Variants in MOB3B observed in about 807,000 individuals in gnomAD.
The protein encoded by MOB3B is MOB kinase activator-like 2B.
A neutral mutation model predicts 18.7 loss-of-function variants in MOB3B; 7 were observed. That is an observed-to-expected ratio of 0.37 (90% CI 0.21 to 0.70). The LOEUF (loss-of-function observed/expected upper bound fraction) is 0.70, where lower values mean the gene tolerates loss of function less well. MOB3B is among the 30% of genes least tolerant of loss of function. MOB3B has a pLI of 0.52. For missense variants in MOB3B, 253 were observed against 281.3 expected, an observed-to-expected ratio of 0.90 and a Z score of 0.72; for synonymous variants, 111 against 99.9, an observed-to-expected ratio of 1.11 and a Z score of -0.66.
intron 2 of MOB3B, among the ~76,000 whole-genome samples, chr9:27,430,862 G>A (rs1008751823): frequency 6.8e-6 from 1 of 146,930 alleles, no homozygotes; most frequent in Non-Finnish European, 1.5e-5. Flanking sequence ...AAACCCTCCC[G>A]TTCAGATCAT....
chr9:27,509,373 G>A (rs1820107879), intron 1 of MOB3B, among the ~76,000 whole-genome samples: 1 of 152,012 alleles, frequency 6.6e-6, no homozygotes, highest in Non-Finnish European at 1.5e-5. Context: ...ATTTAAAGAA[G>A]CATGAAATGA....
intron 2 of MOB3B, among the ~76,000 whole-genome samples, chr9:27,416,364 C>G (rs952760556): frequency 2.0e-5 from 3 of 151,908 alleles, no homozygotes; most frequent in African/African-American, 7.3e-5. Context: ...GGTCTAATCT[C>G]CACGTTTGGG....
At chr9:27,334,782 C>G (rs1292753571) in intron 3 of MOB3B, among the ~76,000 whole-genome samples, 1 of 152,202 alleles carries the variant, frequency 6.6e-6, no homozygotes, top group African/African-American at 2.4e-5. Context: ...TCTCAGTTTA[C>G]TGCACTACAT....
intron 1 of MOB3B, among the ~76,000 whole-genome samples, chr9:27,511,215 A>G (rs985186354): frequency 1.2e-4 from 3 of 25,504 alleles, no homozygotes; most frequent in Non-Finnish European, 4.2e-4. Flanking sequence ...TTCATCTTTG[A>G]CAAAAAAAAA....
intron 1 of MOB3B, among the ~76,000 whole-genome samples, chr9:27,469,994 T>C (rs1218653707): frequency 6.6e-6 from 1 of 151,376 alleles, no homozygotes. Flanking sequence ...TGGTCCCAGC[T>C]ATCTGGGAGG....
chr9:27,360,545 AC>A (rs1308190312), intron 2 of MOB3B, among the ~76,000 whole-genome samples: 2 of 152,144 alleles, frequency 1.3e-5, no homozygotes, highest in African/African-American at 4.8e-5. Context: ...CAAAAGAATT[AC>A]CCTTGTCAAA....
intron 2 of MOB3B, among the ~76,000 whole-genome samples, chr9:27,411,987 A>G (rs1822074406): frequency 6.6e-6 from 1 of 152,198 alleles, no homozygotes; most frequent in South Asian, 2.1e-4. Flanking sequence ...AAACTGCTCA[A>G]AAAGATAGTC....
intron 2 of MOB3B, chr9:27,396,847 A>C (rs1821806970): frequency 6.6e-6 from 1 of 152,194 alleles, no homozygotes; most frequent in Non-Finnish European, 1.5e-5. Context: ...TACAATCTCA[A>C]AATGGTAACG....
intron 2 of MOB3B, among the ~76,000 whole-genome samples, chr9:27,385,749 T>G (rs1335207772): frequency 6.6e-6 from 1 of 152,120 alleles, no homozygotes; most frequent in Non-Finnish European, 1.5e-5. Flanking sequence ...ACACTTGAAG[T>G]TAATTGTTTA....
chr9:27,443,814 T>C (rs768075094), intron 2 of MOB3B, among the ~76,000 whole-genome samples: 28 of 152,192 alleles, frequency 1.8e-4, no homozygotes, highest in Non-Finnish European at 3.4e-4. Flanking sequence ...AATAGCTTTA[T>C]TAGCCCTGGT....
chr9:27,495,860 C>T (rs1312671688), intron 1 of MOB3B, among the ~76,000 whole-genome samples: 1 of 152,106 alleles, frequency 6.6e-6, no homozygotes, highest in Non-Finnish European at 1.5e-5. Flanking sequence ...TCAAGAGTTC[C>T]CTTTACTGTA....
intron 1 of MOB3B, among the ~76,000 whole-genome samples, chr9:27,493,125 A>C (rs925217659): frequency 1.3e-5 from 2 of 152,114 alleles, no homozygotes; most frequent in African/African-American, 2.4e-5. Flanking sequence ...AAGAACATAC[A>C]TTTGGGATTT....
chr9:27,387,337 T>G (rs899336985), intron 2 of MOB3B, among the ~76,000 whole-genome samples: 1 of 152,166 alleles, frequency 6.6e-6, no homozygotes, highest in African/African-American at 2.4e-5. Context: ...CTGCCCCATA[T>G]TCTCTCATCA....
intron 2 of MOB3B, among the ~76,000 whole-genome samples, chr9:27,373,890 G>T (rs1351021872): frequency 6.6e-6 from 1 of 152,208 alleles, no homozygotes; most frequent in Non-Finnish European, 1.5e-5. Context: ...CTAAAGGTTT[G>T]TCAGTACCTA....
intron 2 of MOB3B, among the ~76,000 whole-genome samples, chr9:27,446,241 T>TA (rs1401966008): frequency 6.6e-6 from 1 of 151,948 alleles, no homozygotes; most frequent in Admixed American, 6.6e-5. Context: ...TACATCTTTT[T>TA]TTTTAATATG....
chr9:27,341,491 A>G lies in MOB3B; in HGVS notation c.622-10875T>C, dbSNP rs115338313. On this transcript the variant is annotated intron_variant, in intron 3 of 3. Transcript: ENST00000262244. Reference sequence around the variant, plus strand: ...GTAATTTAGGAAGTCTGTAGTTTCTAAGCAGTCTCACTCCTTTGGTAGGAA... The same window carrying G: ...GTAATTTAGGAAGTCTGTAGTTTCTGAGCAGTCTCACTCCTTTGGTAGGAA... 1.2e-3 allele frequency among the ~76,000 whole-genome samples: 177 copies of G among 152,348 alleles called. 1 individual carries two copies. Among genetic ancestry groups the G allele is most frequent in the African/African-American group, 3.8e-3 (159 of 41,582 alleles).
chr9:27,483,349 A>G (rs907535435), intron 1 of MOB3B, among the ~76,000 whole-genome samples: 1 of 151,850 alleles, frequency 6.6e-6, no homozygotes, highest in Non-Finnish European at 1.5e-5. Flanking sequence ...AGCCAGAATG[A>G]TCTTGATCTC....
chr9:27,383,241 G>A (rs768381527), intron 2 of MOB3B, among the ~76,000 whole-genome samples: 24 of 152,106 alleles, frequency 1.6e-4, no homozygotes, highest in Admixed American at 5.2e-4. Context: ...CTGTCATGGC[G>A]ATGTCAAAAA....
chr9:27,493,364 G>T (rs1819848061), intron 1 of MOB3B, among the ~76,000 whole-genome samples: 1 of 152,126 alleles, frequency 6.6e-6, no homozygotes, highest in Non-Finnish European at 1.5e-5. Flanking sequence ...TTTCAGGCTG[G>T]TCGTGGTGGC....
Sources: gnomAD v4.1 joint callset for allele counts (sites outside exome capture counted in the v4.1 genomes callset) on GRCh38, gnomAD v4.1.1 for gene constraint, MANE v1.5 for transcripts, NCBI Gene and HGNC (gene_info 2026-07-23, HGNC 2026-07-21) for gene names.